Variants in STAU1 observed in about 807,000 individuals in gnomAD.
STAU1 encodes the protein double-stranded RNA-binding protein Staufen homolog 1.
A neutral mutation model predicts 62.9 loss-of-function variants in STAU1; 13 were observed. The ratio of observed to expected loss-of-function variants is 0.21; its 90% CI spans 0.13 to 0.33. STAU1 has a LOEUF of 0.33. Among genes scored for constraint, STAU1 ranks in the 10% least tolerant of loss-of-function variants. STAU1 has a pLI of 1.00. For missense variants in STAU1, 571 were observed against 712.1 expected (o/e 0.80, Z 2.25); for synonymous variants, 269 against 265.1 (o/e 1.01, Z -0.14).
At chr20:49,142,161 A>G (rs995275338) in intron 5 of STAU1, among the ~76,000 whole-genome samples, 14 of 152,154 alleles carry the variant, frequency 9.2e-5, no homozygotes, top group Non-Finnish European at 1.8e-4. Context: ...ATCTTGGCTC[A>G]CTGCAACCTC....
chr20:49,178,928 A>G (rs2093691507), intron 1 of STAU1, among the ~76,000 whole-genome samples: 1 of 136,540 alleles, frequency 7.3e-6, no homozygotes, highest in Non-Finnish European at 1.6e-5. Flanking sequence ...AAAAAAAAAA[A>G]CAACTAGCTG....
the STAU1 span, among the ~76,000 whole-genome samples, chr20:49,211,659 C>A: frequency 3.3e-5 from 5 of 152,034 alleles, no homozygotes; most frequent in Non-Finnish European, 7.4e-5. Flanking sequence ...AGGCACATGA[C>A]ACCACACCTC....
intron 3 of STAU1, among the ~76,000 whole-genome samples, chr20:49,155,143 C>G (rs2093338197): frequency 6.6e-6 from 1 of 151,566 alleles, no homozygotes; most frequent in Non-Finnish European, 1.5e-5. Flanking sequence ...ACACAAAGCA[C>G]ACTCAAAGAG....
upstream of STAU1, among the ~76,000 whole-genome samples, chr20:49,189,200 TCAAAAAAAAAAAAAAAA>T (rs1181877858): frequency 3.6e-5 from 1 of 27,470 alleles, no homozygotes; most frequent in Admixed American, 7.2e-4. Flanking sequence ...GACACTGGTC[TCAAAAAAAAAAAAAAAA>T]AAAAAAAAAA....
chr20:49,197,292 T>C, the STAU1 span, among the ~76,000 whole-genome samples: 1 of 149,002 alleles, frequency 6.7e-6, no homozygotes, highest in Non-Finnish European at 1.5e-5. Context: ...AAGGACCCCA[T>C]AAAGAGAATG....
intron 12 of STAU1, among the ~76,000 whole-genome samples, chr20:49,116,207 C>A (rs1011157262): frequency 6.6e-6 from 1 of 152,234 alleles, no homozygotes; most frequent in Middle Eastern, 3.4e-3. Context: ...ACTAAGTTGC[C>A]CAGGCTGGTC....
chr20:49,144,906 A>T (rs1476334234), intron 5 of STAU1, among the ~76,000 whole-genome samples: 1 of 152,224 alleles, frequency 6.6e-6, no homozygotes, highest in Admixed American at 6.5e-5. Context: ...GTGGAATAAC[A>T]AATAGCAAAA....
chr20:49,203,697 AT>A, the STAU1 span, among the ~76,000 whole-genome samples: 1 of 152,066 alleles, frequency 6.6e-6, no homozygotes, highest in Non-Finnish European at 1.5e-5. Flanking sequence ...TTATTTATTT[AT>A]TTTTTTGAGA....
intron 2 of STAU1, among the ~76,000 whole-genome samples, chr20:49,167,998 T>C (rs1209367112): frequency 6.6e-6 from 1 of 152,126 alleles, no homozygotes; most frequent in Non-Finnish European, 1.5e-5. Context: ...TGCCTAAATT[T>C]AGAAAGGGTG....
Position 49,129,665 on chromosome 20 carries a change from C to T in STAU1, c.610-5078G>A, listed in dbSNP as rs145220192. On this transcript the variant is annotated intron_variant, in intron 6 of 13. Transcript: ENST00000371856. ...TTTTTTTTTTTTTTTGAGACAGTCTCGCCCTGTCGCCCAGGTTGGAGTGCA... is the reference window on the plus strand; with the variant it reads ...TTTTTTTTTTTTTTTGAGACAGTCTTGCCCTGTCGCCCAGGTTGGAGTGCA... Among the ~76,000 whole-genome samples, 417 of 133,136 alleles carry T rather than the reference C, an allele frequency of 3.1e-3. 2 individuals carry two copies. Among genetic ancestry groups the T allele is most frequent in the African/African-American group, 0.012 (403 of 33,272 alleles). 87.3% of individuals were successfully genotyped at this position (133,136 alleles called of 152,430 possible).
chr20:49,179,967 C>A (rs563276964), intron 1 of STAU1, among the ~76,000 whole-genome samples: 1 of 152,310 alleles, frequency 6.6e-6, no homozygotes, highest in Admixed American at 6.5e-5. Context: ...ACTAAAAGCT[C>A]ACATCCAAAG....
chr20:49,195,470 G>A, the STAU1 span, among the ~76,000 whole-genome samples: 10 of 142,608 alleles, frequency 7.0e-5, no homozygotes, highest in Non-Finnish European at 6.0e-5. Context: ...CCCGGGAGGC[G>A]GAGCTTTGTG....
At chr20:49,162,099 A>T (rs1352107255) in intron 3 of STAU1, among the ~76,000 whole-genome samples, 1 of 152,134 alleles carries the variant, frequency 6.6e-6, no homozygotes, top group Non-Finnish European at 1.5e-5. Flanking sequence ...TCTCTCAAAC[A>T]ACACTTGTCA....
Position 49,117,089 on chromosome 20 carries a change from C to CA in STAU1, c.1632+36dup, listed in dbSNP as rs750167561. On this transcript the variant is annotated intron_variant, in intron 12 of 13. Transcript: ENST00000371856. This position sits in a 1 kb window ranked among gnomAD's most constrained non-coding sequence, Gnocchi z 4.6. ...AACCAAGGCAGGCTCCACATAAACACACAACACCCCAATCCCTCACCCAAG... is the reference window on the plus strand; with the variant it reads ...AACCAAGGCAGGCTCCACATAAACACAACAACACCCCAATCCCTCACCCAAG... 1.9e-5 allele frequency: 31 copies of CA among 1,611,054 alleles called. No homozygotes were observed. Among genetic ancestry groups the CA allele is most frequent in the Middle Eastern group, 3.3e-4 (2 of 6,060 alleles).
At chr20:49,149,251 AAC>A (rs34854738) in intron 5 of STAU1, among the ~76,000 whole-genome samples, 8,071 of 131,928 alleles carry the variant, frequency 0.061, 226 homozygotes, top group Non-Finnish European at 0.068. Context: ...ACTGTCTCAA[AAC>A]ACACACACAC....
upstream of STAU1, among the ~76,000 whole-genome samples, chr20:49,188,683 G>C (rs348291): frequency 0.73 from 111,590 of 152,136 alleles, 41,791 homozygotes; most frequent in African/African-American, 0.88. Flanking sequence ...CTTCCTTGCT[G>C]TCGCTTCTTC....
At chr20:49,149,955 G>T (rs2093213473) in intron 5 of STAU1, among the ~76,000 whole-genome samples, 1 of 152,280 alleles carries the variant, frequency 6.6e-6, no homozygotes, top group East Asian at 1.9e-4. Flanking sequence ...CCTGTTCTTT[G>T]TGAACATGTT....
At chr20:49,178,980 C>T (rs529576129) in intron 1 of STAU1, 26 of 149,808 alleles carry the variant, frequency 1.7e-4, no homozygotes, top group African/African-American at 6.1e-4. Flanking sequence ...ACTCCAGAGG[C>T]TGAGGCAGGA....
intron 6 of STAU1, chr20:49,134,999 TCAGGACCTGGA>T (rs2146026273): frequency 6.2e-7 from 1 of 1,601,894 alleles, no homozygotes; most frequent in African/African-American, 1.3e-5. Context: ...CAAGAGTCTT[TCAGGACCTGGA>T]CAGCGAAGGG....
Sources: allele counts gnomAD v4.1 joint callset (sites outside exome capture counted in the v4.1 genomes callset), GRCh38; gene constraint gnomAD v4.1.1; non-coding constraint Gnocchi (gnomAD v3.1); transcripts MANE v1.5; gene names NCBI Gene and HGNC (gene_info 2026-07-23, HGNC 2026-07-21).